Variants in RBPJ observed in about 807,000 individuals in gnomAD.
The protein encoded by RBPJ is recombination signal binding protein for immunoglobulin kappa J region.
In RBPJ, 9 loss-of-function variants were observed where a neutral mutation model predicts 67.8. That is an observed-to-expected ratio of 0.13 (90% confidence interval 0.08 to 0.23). The LOEUF (loss-of-function observed/expected upper bound fraction) is 0.23, where lower values mean the gene tolerates loss of function less well. RBPJ is among the 10% of genes least tolerant of loss of function. The pLI, the probability that RBPJ is intolerant of heterozygous loss-of-function variation, is 1.00. For synonymous variants in RBPJ, 198 were observed against 203.3 expected (o/e 0.97, Z 0.22); for missense variants, 305 against 595.6 (o/e 0.51, Z 5.08).
chr4:26,422,444 C>T (rs529278449), intron 5 of RBPJ, among the ~76,000 whole-genome samples: 1 of 152,230 alleles, frequency 6.6e-6, no homozygotes, highest in South Asian at 2.1e-4. Context: ...GCCATATCAG[C>T]TATTTGCTTC....
the RBPJ span, among the ~76,000 whole-genome samples, chr4:26,138,616 G>C: frequency 1.3e-5 from 2 of 152,188 alleles, no homozygotes; most frequent in Non-Finnish European, 2.9e-5. Flanking sequence ...CGCTGCTCTG[G>C]AGTCTGAGTC....
intron 1 of RBPJ, among the ~76,000 whole-genome samples, chr4:26,195,596 T>C (rs996587283): frequency 2.0e-5 from 3 of 152,094 alleles, no homozygotes; most frequent in Non-Finnish European, 4.4e-5. Flanking sequence ...TTTTTTTTGT[T>C]TTGGTTTTTG....
chr4:26,288,634 G>C (rs1721559877), intron 1 of RBPJ, among the ~76,000 whole-genome samples: 1 of 152,190 alleles, frequency 6.6e-6, no homozygotes, highest in African/African-American at 2.4e-5. Flanking sequence ...AAATTTATTT[G>C]TGAGTTTATT....
At chr4:26,389,452 T>A (rs559420662) in intron 2 of RBPJ, among the ~76,000 whole-genome samples, 1 of 150,946 alleles carries the variant, frequency 6.6e-6, no homozygotes, top group African/African-American at 2.4e-5. Flanking sequence ...CTTGTCAACC[T>A]AGAATTCTAT....
intron 3 of RBPJ, chr4:26,413,000 G>GC (rs1367756605): frequency 1.1e-4 from 16 of 152,212 alleles, no homozygotes; most frequent in African/African-American, 2.9e-4. Flanking sequence ...AAGTATACAG[G>GC]CATGAAAACT....
At chr4:26,262,337 G>C (rs1330144136) in intron 1 of RBPJ, among the ~76,000 whole-genome samples, 1 of 152,210 alleles carries the variant, frequency 6.6e-6, no homozygotes, top group South Asian at 2.1e-4. Flanking sequence ...AGCCTCCTGA[G>C]TAGCTCAGGC....
At chr4:26,214,729 A>AAGAG (rs1293599402) in intron 1 of RBPJ, among the ~76,000 whole-genome samples, 1 of 130,210 alleles carries the variant, frequency 7.7e-6, no homozygotes, top group Non-Finnish European at 1.6e-5. Flanking sequence ...GAGAGAAAGA[A>AAGAG]AGAGGGAAGA....
intron 2 of RBPJ, among the ~76,000 whole-genome samples, chr4:26,395,323 G>A (rs1182920752): frequency 1.3e-5 from 2 of 152,076 alleles, no homozygotes; most frequent in African/African-American, 4.8e-5. Context: ...GGTATTGCCC[G>A]CCTGTGGTCC....
chr4:26,109,688 C>A, the RBPJ span, among the ~76,000 whole-genome samples: 1 of 76,856 alleles, frequency 1.3e-5, no homozygotes, highest in African/African-American at 4.9e-5. Flanking sequence ...ATATATACAG[C>A]CACTGTGCCT....
chr4:26,175,377 T>TG (rs372755236), intron 1 of RBPJ, among the ~76,000 whole-genome samples: 2,939 of 144,580 alleles, frequency 0.02, 88 homozygotes, highest in African/African-American at 0.07. Context: ...GAGCTTGAGC[T>TG]GGGGGGGGGA....
In RBPJ at chr4:26,176,864, C is replaced by T. The variant is rs972896536; in HGVS notation, c.-167+13250C>T. On this transcript the variant is annotated intron_variant, in intron 1 of 4. Transcript: ENST00000512351. ...GCCCAGTTGCCTTGCTTGAACCAGG[C>T]TGCCTTGCCAGACCTTGAAGATGTC... Among the ~76,000 whole-genome samples, 20 of 152,376 alleles carry T rather than the reference C, an allele frequency of 1.3e-4. No homozygotes were observed. In the East Asian group the frequency reaches 3.5e-3, roughly 26 times the overall value.
the RBPJ span, among the ~76,000 whole-genome samples, chr4:26,139,987 A>G: frequency 2.0e-5 from 3 of 152,162 alleles, no homozygotes; most frequent in African/African-American, 7.2e-5. Context: ...ACCCCTGATG[A>G]TGGCTGCCTT....
intron 1 of RBPJ, among the ~76,000 whole-genome samples, chr4:26,249,262 A>T (rs1720020823): frequency 6.6e-6 from 1 of 152,222 alleles, no homozygotes; most frequent in Non-Finnish European, 1.5e-5. Context: ...ATAATTTATG[A>T]AACACACAGC....
At chr4:26,341,037 A>G (rs1161245270) in intron 1 of RBPJ, among the ~76,000 whole-genome samples, 3 of 152,192 alleles carry the variant, frequency 2.0e-5, no homozygotes, top group Non-Finnish European at 4.4e-5. Flanking sequence ...AAAAGAGGTC[A>G]AGGCTGGGAA....
At chr4:26,121,437 C>T in the RBPJ span, among the ~76,000 whole-genome samples, 6 of 152,032 alleles carry the variant, frequency 3.9e-5, no homozygotes, top group African/African-American at 9.7e-5. Context: ...AGTCTTATCC[C>T]CATTTTAGAG....
chr4:26,294,140 CA>C (rs1721774135), intron 1 of RBPJ, among the ~76,000 whole-genome samples: 1 of 149,394 alleles, frequency 6.7e-6, no homozygotes, highest in East Asian at 2.0e-4. Flanking sequence ...CTCTGTCGCC[CA>C]GATTGGAGTG....
intron 1 of RBPJ, among the ~76,000 whole-genome samples, chr4:26,244,139 A>G (rs948711073): frequency 6.7e-6 from 1 of 149,292 alleles, no homozygotes; most frequent in Admixed American, 6.6e-5. Context: ...ATGTATATAT[A>G]TATGTGTACA....
chr4:26,158,961 C>CTCTCTT (rs1716028465), upstream of RBPJ, among the ~76,000 whole-genome samples: 1 of 151,518 alleles, frequency 6.6e-6, no homozygotes, highest in Non-Finnish European at 1.5e-5. Flanking sequence ...CTCTCTCTCT[C>CTCTCTT]TCTCTCTCTC....
intron 1 of RBPJ, among the ~76,000 whole-genome samples, chr4:26,237,331 A>C (rs1560222765): frequency 6.6e-6 from 1 of 150,938 alleles, no homozygotes. Context: ...TGCAAAAAAA[A>C]TATTAATAGA....
Sources: gnomAD v4.1 joint callset for allele counts (sites outside exome capture counted in the v4.1 genomes callset) on GRCh38, gnomAD v4.1.1 for gene constraint, MANE v1.5 for transcripts, NCBI Gene and HGNC (gene_info 2026-07-23, HGNC 2026-07-21) for gene names.